Variants in FGF13 observed in about 807,000 individuals in gnomAD.
FGF13 encodes fibroblast growth factor homologous factor 2.
A neutral mutation model predicts 19.5 loss-of-function variants in FGF13; 2 were observed. The observed-to-expected ratio is 0.10, with a 90% CI of 0.04 to 0.32. The LOEUF (loss-of-function observed/expected upper bound fraction) is 0.32, where lower values mean the gene tolerates loss of function less well. FGF13 is among the 10% of genes least tolerant of loss of function. The pLI is 1.00. For missense variants in FGF13, 113 were observed against 192.7 expected (o/e 0.59, Z 2.45); for synonymous variants, 72 against 76.9 (o/e 0.94, Z 0.33).
chrX:139,127,425 G>A (rs1445389204), intron 1 of FGF13, among the ~76,000 whole-genome samples: 4 of 111,647 alleles, frequency 3.6e-5, no homozygotes, highest in Admixed American at 9.5e-5. Context: ...TACCTGTGGC[G>A]GATTAGTGTG....
intron 1 of FGF13, among the ~76,000 whole-genome samples, chrX:139,088,981 C>T (rs747726684): frequency 9.9e-4 from 111 of 112,413 alleles, no homozygotes; most frequent in Non-Finnish European, 1.8e-3. Context: ...TCTCACCAGA[C>T]ATTAAATCTT....
In FGF13 at chrX:138,751,795, A is replaced by G. The variant is rs374200477; in HGVS notation, c.218-42867T>C. The stretch of plus-strand genomic sequence containing the variant: ...ATGAGGGCAAGACCTAAATCATTTC[A>G]TCTAAGAAGTGGAGAATTAAACATG... On this transcript the variant is annotated intron_variant, in intron 3 of 6. Coordinates refer to the FGF13 transcript ENST00000436198. Among the ~76,000 whole-genome samples the G allele has an allele frequency of 4.5e-5, 5 of 112,036 alleles. No individual in the cohort carries two copies. The South Asian group carries it at 1.9e-3, about 42-fold the overall frequency.
Position 138,913,817 on chromosome X carries a change from G to C in FGF13, c.-112-49167C>G, listed in dbSNP as rs185795577. Among the ~76,000 whole-genome samples the C allele has an allele frequency of 2.7e-5, 3 of 109,718 alleles. No homozygotes were observed. In the East Asian group the frequency reaches 8.7e-4, roughly 32 times the overall value. On this transcript the variant is annotated intron_variant, in intron 1 of 2. Coordinates refer to the FGF13 transcript ENST00000421460. ...ATGATTAGAAGAATTTTTTGTTTTG[G>C]GTTTCTGGTGCAAAGATAAGACTCC...
At chrX:139,099,529 AG>A (rs768737077) in intron 1 of FGF13, among the ~76,000 whole-genome samples, 87 of 111,043 alleles carry the variant, frequency 7.8e-4, no homozygotes, top group African/African-American at 2.8e-3. Context: ...ACCAATGACC[AG>A]GCCCTGGTCA....
chrX:138,745,913 A>C (rs1322823779), intron 3 of FGF13, among the ~76,000 whole-genome samples: 2 of 111,950 alleles, frequency 1.8e-5, no homozygotes, highest in Non-Finnish European at 3.8e-5. Flanking sequence ...GACTCAGAGA[A>C]GGTGAGAGGG....
At chrX:138,929,179 G>C (rs1276964902) in intron 1 of FGF13, among the ~76,000 whole-genome samples, 1 of 110,668 alleles carries the variant, frequency 9.0e-6, no homozygotes, top group African/African-American at 3.3e-5. Context: ...CTAGGAAGTA[G>C]TTTTAAAGTG....
Position 138,915,433 on chromosome X carries a change from T to C in FGF13, c.-112-50783A>G, listed in dbSNP as rs150723476. On this transcript the variant is annotated intron_variant, in intron 1 of 2. Coordinates refer to the FGF13 transcript ENST00000421460. ...TTGCTTGAAGGAGCATGCATTCTTG[T>C]TTGCTTGGCCACCGACCTAATCTAT... 7.7e-3 allele frequency among the ~76,000 whole-genome samples: 868 copies of C among 112,131 alleles called. 2 individuals carry two copies. The highest frequency in any genetic ancestry group is 0.014 in the Non-Finnish European group (727 of 53,202).
chrX:138,822,843 A>G (rs1399225530), intron 3 of FGF13, among the ~76,000 whole-genome samples: 2 of 112,338 alleles, frequency 1.8e-5, no homozygotes, highest in African/African-American at 6.5e-5. Flanking sequence ...ATGCCTAGGC[A>G]GTGGAGATAC....
At chrX:138,938,848 T>C (rs1019044494) in intron 1 of FGF13, among the ~76,000 whole-genome samples, 15 of 111,635 alleles carry the variant, frequency 1.3e-4, no homozygotes, top group African/African-American at 4.6e-4. Flanking sequence ...AACTAGGCCC[T>C]AAACCTAGAT....
chrX:139,022,410 T>A (rs551684917), intron 1 of FGF13, among the ~76,000 whole-genome samples: 1 of 112,065 alleles, frequency 8.9e-6, no homozygotes, highest in Non-Finnish European at 1.9e-5. Context: ...GTAAAAATAA[T>A]TTTCCTACAT....
At chrX:138,697,423 A>G (rs975043759) in intron 3 of FGF13, among the ~76,000 whole-genome samples, 7 of 110,060 alleles carry the variant, frequency 6.4e-5, no homozygotes, top group African/African-American at 2.3e-4. Flanking sequence ...TTCCCATGGC[A>G]TCAAGCTGAC....
intron 2 of FGF13, among the ~76,000 whole-genome samples, chrX:138,863,009 T>C (rs920175378): frequency 5.4e-5 from 6 of 110,510 alleles, no homozygotes; most frequent in African/African-American, 1.3e-4. Context: ...CACGTTAGCT[T>C]TCCATTAGTA....
intron 3 of FGF13, among the ~76,000 whole-genome samples, chrX:138,684,552 G>T (rs1433109409): frequency 1.8e-5 from 2 of 111,180 alleles, no homozygotes; most frequent in African/African-American, 6.5e-5. Context: ...ATAAAAGATG[G>T]GGAAGGCACC....
chrX:139,110,630 C>T (rs1470832007), intron 1 of FGF13, among the ~76,000 whole-genome samples: 1 of 111,793 alleles, frequency 8.9e-6, no homozygotes, highest in Non-Finnish European at 1.9e-5. Flanking sequence ...ATGTCTTTAT[C>T]AGCAGCATGA....
chrX:139,102,821 C>T (rs970826112), intron 1 of FGF13, among the ~76,000 whole-genome samples: 11 of 112,462 alleles, frequency 9.8e-5, no homozygotes, highest in East Asian at 5.7e-4. Flanking sequence ...GCCGCAGCAA[C>T]GTGGAAAGGC....
chrX:138,682,480 G>C (rs1411002919), intron 3 of FGF13, among the ~76,000 whole-genome samples: 1 of 112,148 alleles, frequency 8.9e-6, no homozygotes, highest in Non-Finnish European at 1.9e-5. Flanking sequence ...GTGCGTGTGC[G>C]CACCTTTGTT....
chrX:139,077,380 T>C (rs1359350110), intron 1 of FGF13, among the ~76,000 whole-genome samples: 4 of 112,060 alleles, frequency 3.6e-5, no homozygotes, highest in African/African-American at 1.3e-4. Context: ...AAATTCGCCT[T>C]TGAATGTCAC....
chrX:138,862,652 C>T (rs1488185657), intron 2 of FGF13, among the ~76,000 whole-genome samples: 1 of 111,856 alleles, frequency 8.9e-6, no homozygotes, highest in African/African-American at 3.2e-5. Flanking sequence ...CCCAGCTAAC[C>T]ATCTACTTAT....
intron 1 of FGF13, among the ~76,000 whole-genome samples, chrX:138,951,564 TA>T (rs2091812513): frequency 9.0e-6 from 1 of 111,220 alleles, no homozygotes; most frequent in African/African-American, 3.3e-5. Context: ...CAACCCAATT[TA>T]AAAAATAGGT....
Sources: allele counts gnomAD v4.1 joint callset (sites outside exome capture counted in the v4.1 genomes callset), GRCh38; gene constraint gnomAD v4.1.1; transcripts MANE v1.5; gene names NCBI Gene and HGNC (gene_info 2026-07-23, HGNC 2026-07-21).